The following ERGIC1 variants were observed in gnomAD, a reference collection of about 807,000 sequenced individuals.
ERGIC1 encodes the protein endoplasmic reticulum-Golgi intermediate compartment protein 1.
Under a neutral mutation model 38.3 loss-of-function variants are expected in ERGIC1, and 19 were observed. That is an observed-to-expected ratio of 0.50 (90% confidence interval 0.35 to 0.73). ERGIC1 has a LOEUF of 0.73. Among genes scored for constraint, ERGIC1 ranks in the 30% least tolerant of loss-of-function variants. The pLI is 0.01. For missense variants in ERGIC1, 294 were observed against 389.2 expected (o/e 0.76, Z 2.06); for synonymous variants, 124 against 157.6 (o/e 0.79, Z 1.60).
At chr5:172,861,905 CAT>C (rs1252199971) in intron 1 of ERGIC1, among the ~76,000 whole-genome samples, 1 of 152,158 alleles carries the variant, frequency 6.6e-6, no homozygotes, top group African/African-American at 2.4e-5. Flanking sequence ...CGTAGAAAGA[CAT>C]AGTTTACCTC....
At chr5:172,916,248 G>T (rs1012481571) in intron 5 of ERGIC1, 1 of 152,330 alleles carries the variant, frequency 6.6e-6, no homozygotes, top group African/African-American at 2.4e-5. Flanking sequence ...GAAATCTGCT[G>T]CATGTTGTGG....
chr5:172,925,270 T>C (rs1763624981), intron 6 of ERGIC1, among the ~76,000 whole-genome samples: 2 of 152,104 alleles, frequency 1.3e-5, no homozygotes, highest in South Asian at 2.1e-4. Flanking sequence ...AAATAAATGG[T>C]ACAAATAAAT....
rs192584963 is a variant in ERGIC1 at position 172,947,084 on chromosome 5, T to C, written c.766-3625T>C. Among the ~76,000 whole-genome samples the C allele has an allele frequency of 8.0e-3, 1,210 of 150,838 alleles. 2 individuals carry two copies. Among genetic ancestry groups the C allele is most frequent in the Non-Finnish European group, 0.013 (859 of 67,856 alleles). ...CTGTAATCCCAGCTACTTGGGAGGC[T>C]GAGGCAGGAGAATCACTTGAACTCA... On this transcript the variant is annotated intron_variant, in intron 9 of 9. Transcript: ENST00000393784.
intron 1 of ERGIC1, among the ~76,000 whole-genome samples, chr5:172,854,276 GGAGGCT>G (rs1761484765): frequency 6.6e-6 from 1 of 152,106 alleles, no homozygotes; most frequent in Non-Finnish European, 1.5e-5. Context: ...CAGCTACTCA[GGAGGCT>G]GAGGCGGGAG....
chr5:172,932,545 G>A lies in ERGIC1; in HGVS notation c.642+9G>A. ...ACACGGTGGCCAACAAGGTGCGCGG[G>A]CGGTGGCTGGGCCGAGCTGTGTGCG... On this transcript the variant is annotated intron_variant, in intron 8 of 9. Coordinates refer to ENST00000393784, the MANE Select transcript of ERGIC1 (RefSeq NM_001031711.3). 6.2e-7 allele frequency: 1 copy of A among 1,613,472 alleles called. No individual in the cohort carries two copies. The highest frequency in any genetic ancestry group is 1.3e-5 in the African/African-American group (1 of 75,062).
At chr5:172,915,116 C>T in intron 5 of ERGIC1, 1 of 695,498 alleles carries the variant, frequency 1.4e-6, no homozygotes, top group Non-Finnish European at 2.6e-6. Flanking sequence ...ATTTGCAGCC[C>T]CCAGCCCTGG....
intron 5 of ERGIC1, 49 bp from the exon 6 acceptor site, chr5:172,923,956 C>G: frequency 6.4e-7 from 1 of 1,553,112 alleles, no homozygotes; most frequent in Non-Finnish European, 8.9e-7. Flanking sequence ...CAATGTTCCG[C>G]CCCCTGGAGA....
rs376736364 is a variant in ERGIC1, at chr5:172,894,534, T to C, written c.83-2468T>C. Among the ~76,000 whole-genome samples, 18 of 152,292 alleles carry C rather than the reference T, an allele frequency of 1.2e-4. 1 individual carries two copies. The East Asian group carries it at 3.5e-3, about 29-fold the overall frequency. Reference sequence around the variant, plus strand: ...TGGGAGAAATTGGGAGTAATTCTAGTATCCCCCATGTCTCAGGGTGGTTGG... The same window carrying C: ...TGGGAGAAATTGGGAGTAATTCTAGCATCCCCCATGTCTCAGGGTGGTTGG... On this transcript the variant is annotated intron_variant, in intron 2 of 9. Coordinates refer to ENST00000393784, the MANE Select transcript of ERGIC1 (RefSeq NM_001031711.3).
chr5:172,901,351 C>T (rs1016726736), intron 3 of ERGIC1, among the ~76,000 whole-genome samples: 4 of 152,190 alleles, frequency 2.6e-5, no homozygotes, highest in South Asian at 4.1e-4. Flanking sequence ...TCTGAAACTC[C>T]GTGTTTTCAG....
intron 2 of ERGIC1, 123 bp downstream of exon 2, chr5:172,888,883 T>C (rs1762487634): frequency 2.1e-6 from 2 of 932,650 alleles, no homozygotes; most frequent in East Asian, 2.5e-5. Context: ...AAAGAAATGC[T>C]GAGCATCTTG....
intron 9 of ERGIC1, among the ~76,000 whole-genome samples, chr5:172,939,515 G>A (rs749387229): frequency 2.6e-5 from 4 of 152,236 alleles, no homozygotes; most frequent in Non-Finnish European, 4.4e-5. Flanking sequence ...AAGAAGCCAC[G>A]GGGAAGACCC....
intron 1 of ERGIC1, among the ~76,000 whole-genome samples, chr5:172,886,976 C>A (rs1327311963): frequency 6.6e-6 from 1 of 152,204 alleles, no homozygotes; most frequent in Non-Finnish European, 1.5e-5. Context: ...CTAGTACCCT[C>A]AGGGGCACAA....
intron 7 of ERGIC1, among the ~76,000 whole-genome samples, chr5:172,929,452 G>A (rs1207126400): frequency 6.6e-6 from 1 of 152,152 alleles, no homozygotes; most frequent in African/African-American, 2.4e-5. Context: ...CTCTAGGAAT[G>A]GTCAGCTCAC....
intron 1 of ERGIC1, among the ~76,000 whole-genome samples, chr5:172,871,529 T>A (rs6869911): frequency 2.8e-3 from 422 of 152,384 alleles, no homozygotes; most frequent in African/African-American, 9.8e-3. Context: ...CTGACATATA[T>A]GAGTTCATTC....
At chr5:172,886,456 G>A (rs1762420588) in intron 1 of ERGIC1, among the ~76,000 whole-genome samples, 1 of 152,092 alleles carries the variant, frequency 6.6e-6, no homozygotes, top group Admixed American at 6.5e-5. Context: ...TCGTGATGAG[G>A]ATGCCACTAC....
intron 2 of ERGIC1, among the ~76,000 whole-genome samples, chr5:172,894,400 T>TG (rs1466817657): frequency 2.0e-5 from 3 of 151,910 alleles, no homozygotes; most frequent in African/African-American, 4.8e-5. Context: ...TTCACCGTGT[T>TG]GGTCAGGCTG....
chr5:172,933,721 G>T (rs900472989), intron 8 of ERGIC1: 1 of 152,210 alleles, frequency 6.6e-6, no homozygotes, highest in African/African-American at 2.4e-5. Flanking sequence ...GCAGCTAACA[G>T]ATGGAAAAGC....
intron 9 of ERGIC1, among the ~76,000 whole-genome samples, chr5:172,940,100 A>G (rs899461571): frequency 2.0e-5 from 3 of 149,490 alleles, no homozygotes; most frequent in Admixed American, 2.0e-4. Flanking sequence ...CGGGGCTGGG[A>G]GGCAGCTGTG....
intron 4 of ERGIC1, among the ~76,000 whole-genome samples, chr5:172,911,616 C>T (rs1763210530): frequency 6.6e-6 from 1 of 152,124 alleles, no homozygotes; most frequent in Non-Finnish European, 1.5e-5. Flanking sequence ...TTCTGGAAAA[C>T]ACAGGGAAGC....
Sources: gnomAD v4.1 joint callset for allele counts (sites outside exome capture counted in the v4.1 genomes callset) on GRCh38, gnomAD v4.1.1 for gene constraint, MANE v1.5 for transcripts, NCBI Gene and HGNC (gene_info 2026-07-23, HGNC 2026-07-21) for gene names.